SAMMSON: variants seen among roughly 807,000 people sequenced by gnomAD.
SAMMSON encodes the protein long intergenic non-protein coding RNA 1212.
At chr3:70,410,362 T>C (rs1209923119) in intron 2 of SAMMSON, among the ~76,000 whole-genome samples, 4 of 152,198 alleles carry the variant, frequency 2.6e-5, no homozygotes, top group East Asian at 3.8e-4. Context: ...TCTCTAATCA[T>C]TGCTCTTGGG....
chr3:70,089,919 G>T (rs1270585673), intron 4 of SAMMSON, among the ~76,000 whole-genome samples: 2 of 152,072 alleles, frequency 1.3e-5, no homozygotes, highest in East Asian at 3.9e-4. Flanking sequence ...TAAGCAGATG[G>T]CTGGGTAAAT....
At chr3:70,363,415 T>C (rs1297779588) in intron 9 of SAMMSON, among the ~76,000 whole-genome samples, 1 of 151,950 alleles carries the variant, frequency 6.6e-6, no homozygotes, top group African/African-American at 2.4e-5. Flanking sequence ...CATAATCTTA[T>C]ACCTAGAAAA....
At chr3:70,142,515 A>G (rs550880014) in intron 4 of SAMMSON, among the ~76,000 whole-genome samples, 2 of 152,192 alleles carry the variant, frequency 1.3e-5, no homozygotes, top group East Asian at 1.9e-4. Flanking sequence ...GAATGACACA[A>G]TGGACTTTGG....
intron 4 of SAMMSON, among the ~76,000 whole-genome samples, chr3:70,241,257 A>G (rs1360913055): frequency 1.3e-5 from 2 of 152,202 alleles, no homozygotes; most frequent in African/African-American, 4.8e-5. Flanking sequence ...GTGTCTTTAT[A>G]TACTGGAGGC....
At chr3:70,343,503 C>T (rs1213531976) in intron 7 of SAMMSON, among the ~76,000 whole-genome samples, 1 of 152,052 alleles carries the variant, frequency 6.6e-6, no homozygotes, top group Non-Finnish European at 1.5e-5. Flanking sequence ...AAGATTTTCT[C>T]ATGAGTAGAT....
chr3:70,239,938 G>A (rs1160213903), intron 4 of SAMMSON, among the ~76,000 whole-genome samples: 2 of 152,182 alleles, frequency 1.3e-5, no homozygotes, highest in South Asian at 2.1e-4. Flanking sequence ...GTGTGTGTGT[G>A]TTGTATTTCT....
intron 9 of SAMMSON, among the ~76,000 whole-genome samples, chr3:70,367,455 A>G (rs886909497): frequency 2.6e-5 from 4 of 151,598 alleles, no homozygotes; most frequent in Non-Finnish European, 5.9e-5. Flanking sequence ...TAGCTTCCAC[A>G]TATGAGTGAG....
intron 7 of SAMMSON, among the ~76,000 whole-genome samples, chr3:70,347,797 C>T (rs1313940448): frequency 1.3e-5 from 2 of 152,198 alleles, no homozygotes; most frequent in Admixed American, 1.3e-4. Context: ...AATCCCAGCA[C>T]TTTGGGAGGC....
intron 4 of SAMMSON, among the ~76,000 whole-genome samples, chr3:70,215,193 A>G (rs1337247143): frequency 6.6e-6 from 1 of 152,112 alleles, no homozygotes; most frequent in Non-Finnish European, 1.5e-5. Flanking sequence ...TATTATTATC[A>G]TTATTACATG....
intron 5 of SAMMSON, chr3:70,249,228 A>G (rs777931739): frequency 2.0e-5 from 3 of 152,128 alleles, no homozygotes; most frequent in Non-Finnish European, 4.4e-5. Context: ...TTGTGTCCTT[A>G]ATATTTACTA....
At chr3:70,431,010 C>G (rs1189359649) in intron 2 of SAMMSON, among the ~76,000 whole-genome samples, 1 of 151,960 alleles carries the variant, frequency 6.6e-6, no homozygotes, top group Non-Finnish European at 1.5e-5. Flanking sequence ...GAGAGATGAT[C>G]ACTGAATTTT....
At chr3:70,251,087 G>A (rs535925518) in intron 6 of SAMMSON, among the ~76,000 whole-genome samples, 2 of 152,218 alleles carry the variant, frequency 1.3e-5, no homozygotes, top group East Asian at 1.9e-4. Flanking sequence ...AACCAAACTC[G>A]TAATACCCAG....
chr3:70,175,194 A>G (rs1576144290), intron 4 of SAMMSON, among the ~76,000 whole-genome samples: 1 of 152,090 alleles, frequency 6.6e-6, no homozygotes, highest in East Asian at 1.9e-4. Flanking sequence ...TAGGTCTGGC[A>G]TTGATTTAAT....
chr3:70,363,500 C>A, intron 9 of SAMMSON, among the ~76,000 whole-genome samples: 1 of 151,984 alleles, frequency 6.6e-6, no homozygotes, highest in Non-Finnish European at 1.5e-5. Flanking sequence ...CAGGGTACAA[C>A]ATCTACAGTC....
chr3:70,427,703 G>A (rs553928291), intron 2 of SAMMSON, among the ~76,000 whole-genome samples: 15 of 144,604 alleles, frequency 1.0e-4, no homozygotes, highest in South Asian at 8.7e-4. Context: ...GCGCCACTGC[G>A]CTCCAGCCTG....
chr3:70,406,390 T>C (rs533241645), intron 2 of SAMMSON, among the ~76,000 whole-genome samples: 18 of 152,308 alleles, frequency 1.2e-4, no homozygotes, highest in Non-Finnish European at 2.4e-4. Flanking sequence ...AGAGAATTTG[T>C]GCTAACAGAC....
intron 3 of SAMMSON, among the ~76,000 whole-genome samples, chr3:70,016,751 A>C (rs1420566814): frequency 6.6e-6 from 1 of 152,112 alleles, no homozygotes; most frequent in African/African-American, 2.4e-5. Context: ...TCCATCTTGA[A>C]TTAATTTTTG....
At chr3:70,407,907 G>C (rs1290011541) in intron 2 of SAMMSON, among the ~76,000 whole-genome samples, 1 of 152,230 alleles carries the variant, frequency 6.6e-6, no homozygotes, top group African/African-American at 2.4e-5. Flanking sequence ...TGCCCCTGCA[G>C]CAAACTTCTG....
At chr3:70,149,999 C>T (rs1161757388) in intron 4 of SAMMSON, among the ~76,000 whole-genome samples, 1 of 152,046 alleles carries the variant, frequency 6.6e-6, no homozygotes, top group Non-Finnish European at 1.5e-5. Context: ...TTAATCATTA[C>T]CCTCTCACCA....
Sources: gnomAD v4.1 joint callset for allele counts (sites outside exome capture counted in the v4.1 genomes callset) on GRCh38, gnomAD v4.1.1 for gene constraint, MANE v1.5 for transcripts, NCBI Gene and HGNC (gene_info 2026-07-23, HGNC 2026-07-21) for gene names.